Variants in TAOK1 observed in about 807,000 individuals in gnomAD.
TAOK1 encodes TAO kinase 1, also known as serine/threonine-protein kinase TAO1.
A neutral mutation model predicts 138.3 loss-of-function variants in TAOK1; 21 were observed. That is an observed-to-expected ratio of 0.15 (90% CI 0.11 to 0.22). The LOEUF is 0.22. Among genes scored for constraint, TAOK1 ranks in the 10% least tolerant of loss-of-function variants. TAOK1 has a pLI of 1.00. For synonymous variants in TAOK1, 361 were observed against 398.4 expected (o/e 0.91, Z 1.12); for missense variants, 651 against 1,227.7 (o/e 0.53, Z 7.02).
intron 1 of TAOK1, among the ~76,000 whole-genome samples, chr17:29,432,938 T>A (rs1905894478): frequency 6.6e-6 from 1 of 152,148 alleles, no homozygotes; most frequent in Admixed American, 6.5e-5. Flanking sequence ...TTTTAAAGTT[T>A]TTGTAGAGAC....
In TAOK1 at chr17:29,548,551, T is replaced by G. The variant is rs2032440307; in HGVS notation, c.*5529T>G. ...TACTAATCTGAACATCTGTAGGTAGTTTGTCATGAAAAAGTGGAGAGAAGA... is the reference window on the plus strand; with the variant it reads ...TACTAATCTGAACATCTGTAGGTAGGTTGTCATGAAAAAGTGGAGAGAAGA... On this transcript the variant is annotated 3_prime_UTR_variant, in exon 20 of 20. Coordinates refer to ENST00000261716, the MANE Select transcript of TAOK1 (RefSeq NM_020791.4). 2 of 152,054 alleles carry G rather than the reference T, an allele frequency of 1.3e-5. No individual in the cohort carries two copies. Among genetic ancestry groups the G allele is most frequent in the Non-Finnish European group, 2.9e-5 (2 of 67,958 alleles). 9.4% of individuals were successfully genotyped at this position (152,054 alleles called of 1,614,324 possible). A position where few individuals can be genotyped will look rare whatever the true frequency, so the allele number is the denominator to read the frequency against.
chr17:29,498,608 T>A, intron 12 of TAOK1, 87 bp downstream of exon 12: 1 of 1,495,142 alleles, frequency 6.7e-7, no homozygotes, highest in Non-Finnish European at 9.2e-7. Context: ...AGAAGGAAGA[T>A]AAGGAAGTTT....
chr17:29,497,856 A>T (rs1462407741), intron 11 of TAOK1, among the ~76,000 whole-genome samples: 2 of 151,936 alleles, frequency 1.3e-5, no homozygotes, highest in African/African-American at 4.8e-5. Flanking sequence ...ATTTTTTTTT[A>T]AATGCTCCTT....
At chr17:29,428,600 G>A (rs1210946417) in intron 1 of TAOK1, among the ~76,000 whole-genome samples, 1 of 152,048 alleles carries the variant, frequency 6.6e-6, no homozygotes, top group African/African-American at 2.4e-5. Context: ...TATAATTTGA[G>A]GTGGTAATTA....
chr17:29,426,715 T>C (rs1042370750), intron 1 of TAOK1, among the ~76,000 whole-genome samples: 2 of 152,218 alleles, frequency 1.3e-5, no homozygotes, highest in African/African-American at 4.8e-5. Flanking sequence ...GGCCCTCATT[T>C]GTGGGACCAG....
intron 15 of TAOK1, among the ~76,000 whole-genome samples, chr17:29,515,291 T>C (rs1215551046): frequency 6.6e-6 from 1 of 152,180 alleles, no homozygotes; most frequent in East Asian, 1.9e-4. Context: ...GCATCAAGGA[T>C]GTCAAAAACC....
intron 16 of TAOK1, among the ~76,000 whole-genome samples, chr17:29,518,341 T>C (rs999701691): frequency 1.3e-5 from 2 of 152,186 alleles, no homozygotes; most frequent in African/African-American, 4.8e-5. Flanking sequence ...AAAAATTAGC[T>C]GGGTGTTGTG....
intron 8 of TAOK1, among the ~76,000 whole-genome samples, chr17:29,484,583 C>T (rs977363389): frequency 4.0e-5 from 6 of 151,878 alleles, no homozygotes; most frequent in South Asian, 2.1e-4. Flanking sequence ...GTATGATTTT[C>T]GTTTTTTTTC....
chr17:29,529,767 G>A (rs2032071309), intron 17 of TAOK1, among the ~76,000 whole-genome samples: 1 of 151,996 alleles, frequency 6.6e-6, no homozygotes, highest in Non-Finnish European at 1.5e-5. Context: ...TCGGGAGGCT[G>A]AGACAGGAGA....
At chr17:29,525,146 C>T (rs1405551268) in intron 17 of TAOK1, among the ~76,000 whole-genome samples, 1 of 151,866 alleles carries the variant, frequency 6.6e-6, no homozygotes, top group Admixed American at 6.6e-5. Flanking sequence ...GAGTTTCGCT[C>T]TTATTGCCCA....
intron 1 of TAOK1, among the ~76,000 whole-genome samples, chr17:29,397,464 A>G (rs1841097211): frequency 2.7e-5 from 4 of 148,938 alleles, no homozygotes; most frequent in Non-Finnish European, 4.5e-5. Flanking sequence ...TTAGCCGGGC[A>G]TGGTGGCGCG....
At chr17:29,431,609 T>G (rs575498135) in intron 1 of TAOK1, among the ~76,000 whole-genome samples, 1 of 152,150 alleles carries the variant, frequency 6.6e-6, no homozygotes, top group East Asian at 1.9e-4. Flanking sequence ...GACATACGGT[T>G]TTATAAGTAA....
At chr17:29,515,312 A>T (rs2031795573) in intron 15 of TAOK1, among the ~76,000 whole-genome samples, 1 of 152,274 alleles carries the variant, frequency 6.6e-6, no homozygotes, top group East Asian at 1.9e-4. Context: ...AAGAAGCGAG[A>T]TGTTTAACTG....
chr17:29,447,663 T>A (rs1016954529), intron 1 of TAOK1, among the ~76,000 whole-genome samples: 9 of 149,128 alleles, frequency 6.0e-5, no homozygotes, highest in Middle Eastern at 6.9e-3. Flanking sequence ...TATTTTATTT[T>A]TTTTTTTTTT....
intron 1 of TAOK1, among the ~76,000 whole-genome samples, chr17:29,425,711 G>A (rs1416525004): frequency 6.6e-6 from 1 of 152,074 alleles, no homozygotes; most frequent in Admixed American, 6.6e-5. Flanking sequence ...TTTTACTTTA[G>A]TAAGGGAGAT....
intron 2 of TAOK1, among the ~76,000 whole-genome samples, chr17:29,466,860 C>G (rs2153025632): frequency 6.6e-6 from 1 of 152,216 alleles, no homozygotes; most frequent in East Asian, 1.9e-4. Flanking sequence ...TGCATTGTCT[C>G]TTTGTTTATA....
At chr17:29,528,506 T>G (rs1742341575) in intron 17 of TAOK1, among the ~76,000 whole-genome samples, 2 of 152,106 alleles carry the variant, frequency 1.3e-5, no homozygotes, top group South Asian at 4.1e-4. Flanking sequence ...GCCTCACATT[T>G]GGTACATAAA....
intron 3 of TAOK1, among the ~76,000 whole-genome samples, chr17:29,468,850 G>T (rs1199244922): frequency 3.9e-5 from 6 of 152,166 alleles, no homozygotes; most frequent in Admixed American, 3.3e-4. Context: ...CACCTAGCCT[G>T]TGATCTTTAA....
chr17:29,458,910 G>C (rs145459450), intron 2 of TAOK1, among the ~76,000 whole-genome samples: 5,613 of 152,098 alleles, frequency 0.037, 365 homozygotes, highest in African/African-American at 0.13. Flanking sequence ...AGTAGAGACA[G>C]GATTTTACCA....
Sources: gnomAD v4.1 joint callset for allele counts (sites outside exome capture counted in the v4.1 genomes callset) on GRCh38, gnomAD v4.1.1 for gene constraint, MANE v1.5 for transcripts, NCBI Gene and HGNC (gene_info 2026-07-23, HGNC 2026-07-21) for gene names.